Variants in GABRG1 observed in about 807,000 individuals in gnomAD.
The protein encoded by GABRG1 is gamma-aminobutyric acid receptor subunit gamma-1.
In GABRG1, 49 loss-of-function variants were observed where a neutral mutation model predicts 49.8. The ratio of observed to expected loss-of-function variants is 0.98; its 90% CI spans 0.78 to 1.25. The LOEUF is 1.25. GABRG1 is among the 50% of genes most tolerant of loss of function. The pLI, the probability that GABRG1 is intolerant of heterozygous loss-of-function variation, is 0.00. For synonymous variants in GABRG1, 232 were observed against 185.1 expected (o/e 1.25, Z -2.06); for missense variants, 552 against 552.3 (o/e 1.00, Z 0.01).
chr4:46,062,683 AGTGGAAATGAAGGG>A (rs1718746323), intron 5 of GABRG1, among the ~76,000 whole-genome samples: 3 of 152,000 alleles, frequency 2.0e-5, no homozygotes, highest in Non-Finnish European at 1.5e-5. Flanking sequence ...TCTTTTGAGA[AGTGGAAATGAAGGG>A]TATTCAATTA....
intron 1 of GABRG1, among the ~76,000 whole-genome samples, chr4:46,120,573 T>C (rs1471423295): frequency 6.6e-6 from 1 of 151,752 alleles, no homozygotes; most frequent in Admixed American, 6.6e-5. Context: ...TATCTTTACT[T>C]AGTCATTTGC....
rs1331065461 is a variant in GABRG1, at chr4:46,036,919, T to A, written c.*4069A>T. 1.3e-5 allele frequency: 2 copies of A among 151,918 alleles called. No individual in the cohort carries two copies. Among genetic ancestry groups the A allele is most frequent in the Non-Finnish European group, 2.9e-5 (2 of 67,880 alleles). The allele number at this position is 151,918 out of a possible 1,614,324, so 9.4% of individuals were successfully genotyped here. A position where few individuals can be genotyped will look rare whatever the true frequency, so the allele number is the denominator to read the frequency against. On this transcript the variant is annotated 3_prime_UTR_variant, in exon 9 of 9. Transcript: ENST00000295452. ...ATTGTTCTAACCTAACCTTTCATTG[T>A]CTCTATATGAATCTTAACTTCCAAT... is the stretch of plus-strand genomic sequence containing the variant.
rs184507926 is a variant in GABRG1, at chr4:46,090,293, T to C, written c.254-6240A>G. On this transcript the variant is annotated intron_variant, in intron 2 of 8. Transcript: ENST00000295452. ...AAACACAGTGATGCTATCACAATTG[T>C]ATATAAAATTTGAGCATTCATAGCT... 2.6e-3 allele frequency among the ~76,000 whole-genome samples: 401 copies of C among 152,136 alleles called. 5 individuals carry two copies. Among genetic ancestry groups the C allele is most frequent in the Non-Finnish European group, 2.7e-3 (181 of 67,992 alleles).
intron 1 of GABRG1, among the ~76,000 whole-genome samples, chr4:46,099,473 G>A (rs2109432753): frequency 6.6e-6 from 1 of 151,844 alleles, no homozygotes; most frequent in Admixed American, 6.6e-5. Context: ...GGAAGCCACT[G>A]GGATTTGGAA....
chr4:46,044,770 T>C (rs1353827613), intron 8 of GABRG1, among the ~76,000 whole-genome samples: 2 of 152,068 alleles, frequency 1.3e-5, no homozygotes, highest in Non-Finnish European at 2.9e-5. Flanking sequence ...TCCTTTGAAC[T>C]ATGGTTCACC....
chr4:46,084,011 A>G lies in GABRG1; in HGVS notation c.296T>C (p.Ile99Thr). The G allele has an allele frequency of 6.3e-7, 1 of 1,581,614 alleles. No individual in the cohort carries two copies. The highest frequency in any genetic ancestry group is 8.6e-7 in the Non-Finnish European group (1 of 1,157,118). The stretch of plus-strand genomic sequence containing the variant: ...CATATTAATTGGATCAACTGGTCCA[A>G]TGCTGTTTACATAAACATCAGTTTC... ...VIETDVYVNSIGPVDPINMEY... is the reference protein window; with the variant it reads ...VIETDVYVNSTGPVDPINMEY... Residue 99 changes from isoleucine to threonine, a missense_variant, in exon 3 of 9, where the codon ATT becomes ACT. By Grantham distance (89) the Ile-to-Thr change is moderately conservative (BLOSUM62 -1). Coordinates refer to ENST00000295452, the MANE Select transcript of GABRG1 (RefSeq NM_173536.4).
intron 3 of GABRG1, among the ~76,000 whole-genome samples, chr4:46,077,025 C>T (rs189478754): frequency 6.6e-5 from 10 of 150,558 alleles, no homozygotes; most frequent in Admixed American, 2.0e-4. Flanking sequence ...CAACATTTAA[C>T]GGATTTCTTA....
At chr4:46,044,005 AAAT>A (rs1163199999) in intron 8 of GABRG1, among the ~76,000 whole-genome samples, 2 of 152,008 alleles carry the variant, frequency 1.3e-5, no homozygotes, top group Admixed American at 1.3e-4. Flanking sequence ...TATGAATGGT[AAAT>A]ATTATTTGAT....
intron 8 of GABRG1, among the ~76,000 whole-genome samples, chr4:46,045,880 T>G (rs1717978935): frequency 6.6e-6 from 1 of 151,944 alleles, no homozygotes; most frequent in Non-Finnish European, 1.5e-5. Flanking sequence ...CTATTAATAG[T>G]AAGTTAAAAT....
In GABRG1 at chr4:46,058,131, C is replaced by A. The variant is rs1048417257; in HGVS notation, c.916+86G>T. On this transcript the variant is annotated intron_variant, in intron 7 of 8. Coordinates refer to ENST00000295452, the MANE Select transcript of GABRG1 (RefSeq NM_173536.4). The stretch of plus-strand genomic sequence containing the variant: ...CTGACTGTAGTCTAGAAGAATATAT[C>A]TAATAAATGTGACTATGAACTTTTA... The A allele has an allele frequency of 9.3e-6, 12 of 1,291,172 alleles. No individual in the cohort carries two copies. The East Asian group carries it at 2.8e-4, about 30-fold the overall frequency. The allele number at this position is 1,291,172 out of a possible 1,614,324, so 80.0% of individuals were successfully genotyped here. A position where few individuals can be genotyped will look rare whatever the true frequency, so the allele number is the denominator to read the frequency against.
chr4:46,060,684 T>C (rs1260276607), intron 5 of GABRG1, among the ~76,000 whole-genome samples: 1 of 152,184 alleles, frequency 6.6e-6, no homozygotes, highest in Non-Finnish European at 1.5e-5. Flanking sequence ...ATAGTTATCA[T>C]CTCTGCTGAT....
intron 2 of GABRG1, among the ~76,000 whole-genome samples, chr4:46,085,337 C>T (rs1198211156): frequency 6.6e-6 from 1 of 151,500 alleles, no homozygotes; most frequent in Non-Finnish European, 1.5e-5. Context: ...ATAACTCTGG[C>T]ATTTTAGCAT....
At chr4:46,047,269 G>T (rs139802645) in intron 8 of GABRG1, among the ~76,000 whole-genome samples, 35 of 152,104 alleles carry the variant, frequency 2.3e-4, no homozygotes, top group African/African-American at 8.4e-4. Flanking sequence ...TCTACTTTTT[G>T]TTCTCACATG....
At chr4:46,071,379 G>A (rs1034042576) in intron 3 of GABRG1, among the ~76,000 whole-genome samples, 7 of 149,286 alleles carry the variant, frequency 4.7e-5, no homozygotes, top group African/African-American at 1.7e-4. Flanking sequence ...TAAAATGACA[G>A]AAAGTATAGC....
intron 5 of GABRG1, among the ~76,000 whole-genome samples, chr4:46,060,762 T>C (rs1429279001): frequency 6.6e-6 from 1 of 152,158 alleles, no homozygotes; most frequent in Non-Finnish European, 1.5e-5. Context: ...TCTAGGGTTG[T>C]AGCCATTTTG....
chr4:46,040,030 G>A lies in GABRG1; in HGVS notation c.*958C>T, dbSNP rs899439598. The A allele has an allele frequency of 1.3e-5, 2 of 151,684 alleles. No individual in the cohort carries two copies. Among genetic ancestry groups the A allele is most frequent in the African/African-American group, 4.8e-5 (2 of 41,346 alleles). 9.4% of individuals were successfully genotyped at this position (151,684 alleles called of 1,614,324 possible). A position where few individuals can be genotyped will look rare whatever the true frequency, so the allele number is the denominator to read the frequency against. On this transcript the variant is annotated 3_prime_UTR_variant, in exon 9 of 9. Transcript: ENST00000295452. The stretch of plus-strand genomic sequence containing the variant: ...TAAGATTTTGTCCTCAATATGACCG[G>A]CAACTCAGTTTGCCAGGTAATAATT...
At chr4:46,096,157 G>T (rs1282038197) in intron 2 of GABRG1, among the ~76,000 whole-genome samples, 1 of 151,532 alleles carries the variant, frequency 6.6e-6, no homozygotes, top group Non-Finnish European at 1.5e-5. Context: ...TGGGAAAATG[G>T]TGTTAAACAA....
rs1718876468 is a variant in GABRG1 at position 46,065,511 on chromosome 4, A to T, written c.395T>A (p.Val132Glu). Reference sequence around the variant, plus strand: ...AACCATATTACTGTTAAGCATAAGCACTTTCATGGTACTATTGAATTTTAA... The same window carrying T: ...AACCATATTACTGTTAAGCATAAGCTCTTTCATGGTACTATTGAATTTTAA... Reference protein sequence around the residue: ...SRLKFNSTMKVLMLNSNMVGK... With the variant: ...SRLKFNSTMKELMLNSNMVGK... Residue 132 changes from valine (V) to glutamate (E), a missense_variant, in exon 4 of 9, where the codon GTG (valine) becomes GAG (glutamate). Coordinates refer to ENST00000295452, the MANE Select transcript of GABRG1 (RefSeq NM_173536.4). The T allele has an allele frequency of 2.5e-6, 4 of 1,610,554 alleles. No individual in the cohort carries two copies. The highest frequency in any genetic ancestry group is 3.4e-6 in the Non-Finnish European group (4 of 1,177,140).
At position 46,039,177 on chromosome 4, in the gene GABRG1, T is replaced by C. The variant is rs974163797; in HGVS notation, c.*1811A>G. On this transcript the variant is annotated 3_prime_UTR_variant, in exon 9 of 9. Transcript: ENST00000295452. ...AAACATCCATCAGTACTCAATGTTA[T>C]TAAAATGAATGTATGAATAATCTGT... 2 of 151,702 alleles carry C rather than the reference T, an allele frequency of 1.3e-5. No homozygotes were observed. The highest frequency in any genetic ancestry group is 2.4e-5 in the African/African-American group (1 of 41,414). 9.4% of individuals were successfully genotyped at this position (151,702 alleles called of 1,614,324 possible). A position where few individuals can be genotyped will look rare whatever the true frequency, so the allele number is the denominator to read the frequency against.
Sources: gnomAD v4.1 joint callset for allele counts (sites outside exome capture counted in the v4.1 genomes callset) on GRCh38, gnomAD v4.1.1 for gene constraint, MANE v1.5 for transcripts, NCBI Gene and HGNC (gene_info 2026-07-23, HGNC 2026-07-21) for gene names.